Variants in MGLL observed in about 807,000 individuals in gnomAD.
The protein encoded by MGLL is monoglyceride lipase.
Under a neutral mutation model 29.1 loss-of-function variants are expected in MGLL, and 7 were observed. The ratio of observed to expected loss-of-function variants is 0.24; its 90% CI spans 0.14 to 0.45. The LOEUF is 0.45. Ranked by LOEUF, MGLL falls within the 20% of genes least tolerant of loss-of-function variation. The probability of loss-of-function intolerance (pLI) is 0.99; values close to 1 mark genes in which losing one functional copy is unlikely to be tolerated. For synonymous variants in MGLL, 148 were observed against 168.3 expected (o/e 0.88, Z 0.93); for missense variants, 356 against 413.6 (o/e 0.86, Z 1.21).
rs536753354 is a variant in MGLL, at chr3:127,727,183, C to T, written c.263-4617G>A. ...CCTCAACACAAATGTACTAGGCTCA[C>T]CTTATAATTTCCTTGTCCCAGATTT... is the stretch of plus-strand genomic sequence containing the variant. On this transcript the variant is annotated intron_variant, in intron 3 of 7. Coordinates refer to ENST00000265052, the MANE Select transcript of MGLL (RefSeq NM_007283.7). Among the ~76,000 whole-genome samples the T allele has an allele frequency of 7.9e-5, 12 of 152,264 alleles. No individual in the cohort carries two copies. In the East Asian group the frequency reaches 1.2e-3, roughly 15 times the overall value.
At chr3:127,773,953 C>A (rs998021810) in intron 3 of MGLL, among the ~76,000 whole-genome samples, 2 of 152,202 alleles carry the variant, frequency 1.3e-5, no homozygotes, top group African/African-American at 4.8e-5. Context: ...CCAAAGTCCT[C>A]CCCACACTCC....
intron 3 of MGLL, among the ~76,000 whole-genome samples, chr3:127,778,530 T>C (rs1310081526): frequency 6.6e-6 from 1 of 152,176 alleles, no homozygotes; most frequent in Non-Finnish European, 1.5e-5. Flanking sequence ...GGTGTATTAG[T>C]GTCTGAGCCC....
chr3:127,748,820 T>A (rs1305035722), intron 3 of MGLL, among the ~76,000 whole-genome samples: 1 of 152,184 alleles, frequency 6.6e-6, no homozygotes, highest in East Asian at 1.9e-4. Context: ...TCTTTTCATT[T>A]ACGCTCCAAC....
At chr3:127,759,994 T>C (rs1038778184) in intron 3 of MGLL, among the ~76,000 whole-genome samples, 1 of 152,236 alleles carries the variant, frequency 6.6e-6, no homozygotes, top group Admixed American at 6.5e-5. Flanking sequence ...ATTGACTGTC[T>C]TTGCGGGCAG....
rs2107652869 is a variant in MGLL at position 127,739,444 on chromosome 3, T to C, written c.263-16878A>G. ...CTCCTGCCAACCAGAAATAATTAAG[T>C]ATTATTAGTTTGGTCTCCTTTCAAT... is the stretch of plus-strand genomic sequence containing the variant. On this transcript the variant is annotated intron_variant, in intron 3 of 7. Coordinates refer to ENST00000265052, the MANE Select transcript of MGLL (RefSeq NM_007283.7). Among the ~76,000 whole-genome samples the C allele has an allele frequency of 1.3e-5, 2 of 152,216 alleles. 1 individual carries two copies. The highest frequency in any genetic ancestry group is 4.1e-4 in the South Asian group (2 of 4,822).
At chr3:127,736,093 C>T (rs764128753) in intron 3 of MGLL, 1 of 1,250,738 alleles carries the variant, frequency 8.0e-7, no homozygotes, top group Non-Finnish European at 1.0e-6. Context: ...AGTTCCCAAA[C>T]AGTGCTAGTT....
chr3:127,816,137 C>T (rs1048044805), intron 2 of MGLL, among the ~76,000 whole-genome samples: 13 of 152,292 alleles, frequency 8.5e-5, no homozygotes, highest in Admixed American at 3.3e-4. Context: ...GGAGCATCTG[C>T]GCTAAACCAG....
At chr3:127,696,814 T>C (rs186403435) in intron 6 of MGLL, among the ~76,000 whole-genome samples, 3,029 of 151,562 alleles carry the variant, frequency 0.02, 44 homozygotes, top group Non-Finnish European at 0.033. Context: ...TCAGAGAGCA[T>C]GTGGGGACGA....
chr3:127,806,180 C>A (rs1319265712), intron 2 of MGLL, among the ~76,000 whole-genome samples: 1 of 152,218 alleles, frequency 6.6e-6, no homozygotes, highest in Middle Eastern at 3.2e-3. Flanking sequence ...CTTCTCCAGG[C>A]AAATCACCCG....
chr3:127,816,051 C>T (rs1406551023), intron 2 of MGLL, among the ~76,000 whole-genome samples: 1 of 152,246 alleles, frequency 6.6e-6, no homozygotes, highest in Non-Finnish European at 1.5e-5. Context: ...GTCCTCACCC[C>T]TGCAGAGACT....
chr3:127,709,995 A>AC (rs1198637915), intron 6 of MGLL, among the ~76,000 whole-genome samples: 3 of 151,922 alleles, frequency 2.0e-5, no homozygotes, highest in East Asian at 3.9e-4. Context: ...GGATGATACT[A>AC]CCCCCCTTTC....
chr3:127,745,478 T>C (rs1226234600), intron 3 of MGLL, among the ~76,000 whole-genome samples: 1 of 152,032 alleles, frequency 6.6e-6, no homozygotes. Context: ...TCCTCACCTG[T>C]AGGTGGGAGT....
At chr3:127,755,559 G>C (rs537790692) in intron 3 of MGLL, among the ~76,000 whole-genome samples, 1 of 152,172 alleles carries the variant, frequency 6.6e-6, no homozygotes, top group Non-Finnish European at 1.5e-5. Flanking sequence ...CACATGCAGC[G>C]GCGAGACTCA....
intron 3 of MGLL, among the ~76,000 whole-genome samples, chr3:127,780,494 T>A (rs898484892): frequency 5.9e-5 from 9 of 152,232 alleles, no homozygotes; most frequent in Admixed American, 5.2e-4. Context: ...CAAATATTAT[T>A]TCTCAAACAG....
intron 3 of MGLL, among the ~76,000 whole-genome samples, chr3:127,755,956 TCCCAGCCTC>T (rs1207568902): frequency 6.6e-6 from 1 of 152,160 alleles, no homozygotes; most frequent in African/African-American, 2.4e-5. Context: ...GCACTCTACC[TCCCAGCCTC>T]CCTAGCAATC....
intron 3 of MGLL, among the ~76,000 whole-genome samples, chr3:127,752,938 T>G (rs1395763068): frequency 6.6e-6 from 1 of 152,208 alleles, no homozygotes; most frequent in Non-Finnish European, 1.5e-5. Flanking sequence ...GGGAAAGAAA[T>G]CACCCTCCAT....
chr3:127,784,220 C>G (rs1249197544), intron 2 of MGLL, among the ~76,000 whole-genome samples: 1 of 152,206 alleles, frequency 6.6e-6, no homozygotes, highest in African/African-American at 2.4e-5. Context: ...TCAACTTTGG[C>G]CACACATTGG....
At chr3:127,711,805 C>A (rs964312264) in intron 5 of MGLL, 2 of 151,620 alleles carry the variant, frequency 1.3e-5, no homozygotes, top group African/African-American at 2.4e-5. Flanking sequence ...CTCACTGCAA[C>A]CTCTGCCTCC....
rs181155040 is a variant in MGLL at position 127,752,051 on chromosome 3, G to A, written c.263-29485C>T. Among the ~76,000 whole-genome samples, 429 of 151,160 alleles carry A rather than the reference G, an allele frequency of 2.8e-3. 1 individual carries two copies. Among genetic ancestry groups the A allele is most frequent in the Non-Finnish European group, 4.7e-3 (318 of 67,924 alleles). On this transcript the variant is annotated intron_variant, in intron 3 of 7. Transcript: ENST00000265052. Reference sequence around the variant, plus strand: ...GTGACCAATCCTCTCACTTTGATGTGTATTCTAGACTTTTTCCTACACACT... The same window carrying A: ...GTGACCAATCCTCTCACTTTGATGTATATTCTAGACTTTTTCCTACACACT...
Sources: gnomAD v4.1 joint callset for allele counts (sites outside exome capture counted in the v4.1 genomes callset) on GRCh38, gnomAD v4.1.1 for gene constraint, MANE v1.5 for transcripts, NCBI Gene and HGNC (gene_info 2026-07-23, HGNC 2026-07-21) for gene names.